Variants in PRR15L observed in about 807,000 individuals in gnomAD.
PRR15L encodes proline rich 15 like, also known as proline-rich protein 15-like protein.
PRR15L carries 1 observed loss-of-function variant against 3.7 expected under a neutral mutation model. That is an observed-to-expected ratio of 0.27 (90% CI 0.09 to 1.27). PRR15L has a LOEUF of 1.27. PRR15L is among the 50% of genes most tolerant of loss of function. PRR15L has a pLI of 0.47. For missense variants in PRR15L, 127 were observed against 128.7 expected, an observed-to-expected ratio of 0.99 and a Z score of 0.06; for synonymous variants, 57 against 51.9, an observed-to-expected ratio of 1.10 and a Z score of -0.42.
chr17:47,954,622 C>T (rs1190141270), intron 1 of PRR15L, among the ~76,000 whole-genome samples: 2 of 152,138 alleles, frequency 1.3e-5, no homozygotes, highest in African/African-American at 2.4e-5. Context: ...TATGAGCTAG[C>T]GGAACTTCTC....
chr17:47,953,870 GT>G (rs2036100290), intron 1 of PRR15L, among the ~76,000 whole-genome samples: 3 of 152,146 alleles, frequency 2.0e-5, no homozygotes, highest in Admixed American at 1.3e-4. Context: ...CTGCAGGGTT[GT>G]CAGGAGCTTT....
chr17:47,955,530 G>A (rs1347838677), intron 1 of PRR15L, among the ~76,000 whole-genome samples: 1 of 151,936 alleles, frequency 6.6e-6, no homozygotes, highest in Non-Finnish European at 1.5e-5. Flanking sequence ...CCTTTAGCTG[G>A]GCTCAAGTAG....
chr17:47,953,290 A>T, intron 1 of PRR15L, 27 bp from the exon 2 acceptor site: 5 of 1,359,252 alleles, frequency 3.7e-6, no homozygotes, highest in Non-Finnish European at 3.0e-6. Flanking sequence ...GGGGAGACAA[A>T]GGGGTCAGTG....
rs1280267990 is a variant in PRR15L, at chr17:47,957,817, C to T, written c.-190G>A. On this transcript the variant is annotated 5_prime_UTR_variant, in exon 1 of 2. It adds an upstream start codon to the 5' untranslated region. Transcript: ENST00000300557. ...GGAGAGGTGGGTAGGAGCAGCTGCA[C>T]GTCAGGTGCAAGAGAAACAGGTGCA... is the stretch of plus-strand genomic sequence containing the variant. 2 of 152,326 alleles carry T rather than the reference C, an allele frequency of 1.3e-5. No homozygotes were observed. The highest frequency in any genetic ancestry group is 2.1e-4 in the South Asian group (1 of 4,822). 9.4% of individuals were successfully genotyped at this position (152,326 alleles called of 1,614,324 possible).
rs1184902910 is a variant in PRR15L, at chr17:47,952,686, T to G, written c.*237A>C. 1 of 443,508 alleles carries G rather than the reference T, an allele frequency of 2.3e-6. No homozygotes were observed. The highest frequency in any genetic ancestry group is 4.0e-6 in the Non-Finnish European group (1 of 247,764). The allele number at this position is 443,508 out of a possible 1,614,324, so 27.5% of individuals were successfully genotyped here. A position where few individuals can be genotyped will look rare whatever the true frequency, so the allele number is the denominator to read the frequency against. On this transcript the variant is annotated 3_prime_UTR_variant, in exon 2 of 2. Coordinates refer to ENST00000300557, the MANE Select transcript of PRR15L (RefSeq NM_024320.4). ...TCCTCCTGGGTGAGACTTTTCACTCTTGAACTAGAGTGCCTTTGTATGTGG... is the reference window on the plus strand; with the variant it reads ...TCCTCCTGGGTGAGACTTTTCACTCGTGAACTAGAGTGCCTTTGTATGTGG...
In PRR15L at chr17:47,956,998, G is replaced by A. The variant is rs922596057; in HGVS notation, c.-30+659C>T. Among the ~76,000 whole-genome samples the A allele has an allele frequency of 1.2e-4, 19 of 152,266 alleles. No homozygotes were observed. The East Asian group carries it at 3.1e-3, about 25-fold the overall frequency. On this transcript the variant is annotated intron_variant, in intron 1 of 1. Transcript: ENST00000300557. Reference sequence around the variant, plus strand: ...AGGGATGATGGAAATCAGCCCCTGAGGATGCCAGCTTCACCTCTGCTGTTT... The same window carrying A: ...AGGGATGATGGAAATCAGCCCCTGAAGATGCCAGCTTCACCTCTGCTGTTT...
At chr17:47,953,387 G>T (rs148774128) in intron 1 of PRR15L, 124 bp from the exon 2 acceptor site, 8,893 of 621,508 alleles carry the variant, frequency 0.014, 86 homozygotes, top group Non-Finnish European at 0.019. Flanking sequence ...GGCTGGGCGT[G>T]GTTCTTCATG....
At chr17:47,954,135 G>A (rs1265060243) in intron 1 of PRR15L, among the ~76,000 whole-genome samples, 1 of 152,208 alleles carries the variant, frequency 6.6e-6, no homozygotes, top group Non-Finnish European at 1.5e-5. Flanking sequence ...GTGACCAGCA[G>A]GGCTAAAGTA....
rs192287487 is a variant in PRR15L, at chr17:47,953,213, A to G, written c.22T>C (p.Trp8Arg). The G allele has an allele frequency of 6.3e-7, 1 of 1,588,406 alleles. No homozygotes were observed. Among genetic ancestry groups the G allele is most frequent in the East Asian group, 2.2e-5 (1 of 44,460 alleles). MTTEIGWWKLTFLRKKKS... is the reference protein window; with the variant it reads MTTEIGWRKLTFLRKKKS... ...TTTTTCCGGAGGAAAGTCAGCTTCCACCAACCAATTTCAGTCGTCATGGCG... is the reference window on the plus strand; with the variant it reads ...TTTTTCCGGAGGAAAGTCAGCTTCCGCCAACCAATTTCAGTCGTCATGGCG... Residue 8 changes from tryptophan to arginine, a missense_variant, in exon 2 of 2, where the codon TGG becomes CGG. Coordinates refer to ENST00000300557, the MANE Select transcript of PRR15L (RefSeq NM_024320.4).
At chr17:47,957,485 T>C (rs1411741988) in intron 1 of PRR15L, among the ~76,000 whole-genome samples, 172 bp downstream of exon 1, 6 of 152,180 alleles carry the variant, frequency 3.9e-5, no homozygotes, top group Non-Finnish European at 7.4e-5. Context: ...AGGAGCTCTG[T>C]TGGAGGCCTG....
Position 47,952,588 on chromosome 17 carries a change from T to C in PRR15L, c.*335A>G. 1 of 233,454 alleles carries C rather than the reference T, an allele frequency of 4.3e-6. No individual in the cohort carries two copies. Among genetic ancestry groups the C allele is most frequent in the Non-Finnish European group, 8.1e-6 (1 of 122,854 alleles). 14.5% of individuals were successfully genotyped at this position (233,454 alleles called of 1,614,324 possible). On this transcript the variant is annotated 3_prime_UTR_variant, in exon 2 of 2. Coordinates refer to ENST00000300557, the MANE Select transcript of PRR15L (RefSeq NM_024320.4). ...GTGTCCAGTAAGGAGGTGAAGTCTG[T>C]CTGGCTCACTCTCTCCATTCCCTGC...
chr17:47,956,341 A>T (rs1361095274), intron 1 of PRR15L, among the ~76,000 whole-genome samples: 1 of 152,172 alleles, frequency 6.6e-6, no homozygotes, highest in African/African-American at 2.4e-5. Context: ...ATGTTGTGTC[A>T]TATGCCTGTA....
intron 1 of PRR15L, among the ~76,000 whole-genome samples, chr17:47,955,165 G>A (rs1363825106): frequency 6.6e-6 from 1 of 152,046 alleles, no homozygotes; most frequent in Non-Finnish European, 1.5e-5. Flanking sequence ...CTGACCTCAG[G>A]TGATCCACCC....
intron 1 of PRR15L, among the ~76,000 whole-genome samples, chr17:47,953,937 G>A (rs1257670101): frequency 6.6e-6 from 1 of 152,230 alleles, no homozygotes; most frequent in East Asian, 1.9e-4. Flanking sequence ...GCTTGCCTGA[G>A]TCACACAGCA....
chr17:47,956,103 G>T (rs889884760), intron 1 of PRR15L, among the ~76,000 whole-genome samples: 5 of 152,204 alleles, frequency 3.3e-5, no homozygotes. Flanking sequence ...CCCTGCCCTG[G>T]GGCCTCCACC....
intron 1 of PRR15L, among the ~76,000 whole-genome samples, chr17:47,956,010 G>T (rs765194284): frequency 1.1e-4 from 16 of 152,198 alleles, no homozygotes; most frequent in South Asian, 2.1e-4. Context: ...GCAAACCTGG[G>T]GCTTAACTCT....
intron 1 of PRR15L, among the ~76,000 whole-genome samples, chr17:47,954,192 G>A (rs2036102855): frequency 6.6e-6 from 1 of 152,206 alleles, no homozygotes; most frequent in Non-Finnish European, 1.5e-5. Context: ...CAGGCTGGGA[G>A]TGGGAAGTCC....
intron 1 of PRR15L, among the ~76,000 whole-genome samples, chr17:47,957,179 G>A (rs967799847): frequency 6.6e-6 from 1 of 152,256 alleles, no homozygotes; most frequent in Admixed American, 6.5e-5. Flanking sequence ...CCCAGACTGA[G>A]CCAGGCCCCT....
chr17:47,957,090 G>T (rs1006153302), intron 1 of PRR15L, among the ~76,000 whole-genome samples: 1 of 152,256 alleles, frequency 6.6e-6, no homozygotes, highest in Non-Finnish European at 1.5e-5. Flanking sequence ...GGTGGCCAGC[G>T]CTATAGCATG....
Sources: gnomAD v4.1 joint callset for allele counts (sites outside exome capture counted in the v4.1 genomes callset) on GRCh38, gnomAD v4.1.1 for gene constraint, MANE v1.5 for transcripts, NCBI Gene and HGNC (gene_info 2026-07-23, HGNC 2026-07-21) for gene names.